Variants in FGF14 observed in about 807,000 individuals in gnomAD.
The protein encoded by FGF14 is fibroblast growth factor 14.
A neutral mutation model predicts 25.5 loss-of-function variants in FGF14; 5 were observed. The ratio of observed to expected loss-of-function variants is 0.20; its 90% confidence interval spans 0.10 to 0.41. The LOEUF (loss-of-function observed/expected upper bound fraction) is 0.41, where lower values mean the gene tolerates loss of function less well. FGF14 is among the 10% of genes least tolerant of loss of function. The pLI is 1.00. For synonymous variants in FGF14, 138 were observed against 118.3 expected (o/e 1.17, Z -1.08); for missense variants, 222 against 320.1 (o/e 0.69, Z 2.34).
In FGF14 at chr13:102,090,768, C is replaced by G. The variant is rs569271434; in HGVS notation, c.209-215472G>C. ...CATTCCAAAAAAAGATCAGTGTATG[C>G]CAACGGCGAGATGCCTTCCTCAATG... On this transcript the variant is annotated intron_variant, in intron 1 of 4. Coordinates refer to the FGF14 transcript ENST00000376131. Among the ~76,000 whole-genome samples, 276 of 152,334 alleles carry G rather than the reference C, an allele frequency of 1.8e-3. 1 individual carries two copies. The highest frequency in any genetic ancestry group is 5.6e-3 in the African/African-American group (232 of 41,572).
intron 1 of FGF14, among the ~76,000 whole-genome samples, chr13:101,892,426 T>C (rs2029888356): frequency 6.6e-6 from 1 of 152,178 alleles, no homozygotes; most frequent in Non-Finnish European, 1.5e-5. Context: ...GATCAAAACA[T>C]TCTTAACTTG....
Position 102,400,162 on chromosome 13 carries a change from G to A in FGF14, c.208+1309C>T, listed in dbSNP as rs990312126. Among the ~76,000 whole-genome samples, 1 of 152,102 alleles carries A rather than the reference G, an allele frequency of 6.6e-6. No homozygotes were observed. The highest frequency in any genetic ancestry group is 1.9e-4 in the East Asian group (1 of 5,174). ...CATTGGCAAGGTTCGGAGGCTGGAG[G>A]GCAGCAGCCACTTGCTGCCCCAGTC... On this transcript the variant is annotated intron_variant, in intron 1 of 4. Transcript: ENST00000376131. This position sits in a 1 kb window ranked among gnomAD's most constrained non-coding sequence, Gnocchi z 4.3.
intron 1 of FGF14, among the ~76,000 whole-genome samples, chr13:101,884,071 A>G (rs2045865678): frequency 6.8e-6 from 1 of 148,002 alleles, no homozygotes; most frequent in Admixed American, 6.7e-5. Flanking sequence ...TCAAAAAAAA[A>G]AAAAAAAAAA....
intron 3 of FGF14, among the ~76,000 whole-genome samples, chr13:101,772,685 C>A (rs2038854612): frequency 6.6e-6 from 1 of 151,976 alleles, no homozygotes; most frequent in Admixed American, 6.6e-5. Flanking sequence ...GGCAATGAAG[C>A]AATGTTAAGA....
chr13:101,900,792 T>A (rs1281039664), intron 1 of FGF14, among the ~76,000 whole-genome samples: 2 of 152,184 alleles, frequency 1.3e-5, no homozygotes. Flanking sequence ...AATTAAGTTG[T>A]GTATGATTTG....
chr13:102,123,233 G>A (rs1022993191), intron 1 of FGF14, among the ~76,000 whole-genome samples: 2 of 152,040 alleles, frequency 1.3e-5, no homozygotes, highest in South Asian at 2.1e-4. Context: ...GAATTTTCTA[G>A]GTCATATGCA....
intron 3 of FGF14, among the ~76,000 whole-genome samples, chr13:101,812,623 ATATATATATATATATATATATATAT>A (rs1176162436): frequency 1.4e-3 from 10 of 7,092 alleles, no homozygotes; most frequent in Non-Finnish European, 2.9e-3. Context: ...ATATATATAT[ATATATATATATATATATATATATAT>A]ATATATTTTT....
At chr13:101,783,706 T>C (rs1234673352) in intron 3 of FGF14, among the ~76,000 whole-genome samples, 1 of 152,210 alleles carries the variant, frequency 6.6e-6, no homozygotes, top group African/African-American at 2.4e-5. Context: ...TCTTTGCTTT[T>C]GTTGCAACTG....
intron 1 of FGF14, among the ~76,000 whole-genome samples, chr13:101,972,406 A>C (rs1225388076): frequency 6.6e-6 from 1 of 152,226 alleles, no homozygotes; most frequent in East Asian, 1.9e-4. Flanking sequence ...GCCTGATGGC[A>C]TGGACAATTT....
At chr13:102,274,899 TAATA>T (rs953397155) in intron 1 of FGF14, among the ~76,000 whole-genome samples, 1 of 151,134 alleles carries the variant, frequency 6.6e-6, no homozygotes, top group African/African-American at 2.4e-5. Context: ...ATTTAATAAA[TAATA>T]AATAATTATT....
In FGF14 at chr13:102,043,775, T is replaced by C. The variant is rs547823956; in HGVS notation, c.209-168479A>G. ...GTTCCAGCATTTATCTTGTTGATCT[T>C]GGGCAAGCCATTTAACCTCTCTGGG... On this transcript the variant is annotated intron_variant, in intron 1 of 4. Transcript: ENST00000376131. Among the ~76,000 whole-genome samples the C allele has an allele frequency of 8.5e-5, 13 of 152,240 alleles. No individual in the cohort carries two copies. In the East Asian group the frequency reaches 2.1e-3, roughly 25 times the overall value.
chr13:102,399,351 A>G (rs1442535713), intron 1 of FGF14, among the ~76,000 whole-genome samples: 1 of 152,242 alleles, frequency 6.6e-6, no homozygotes, highest in Non-Finnish European at 1.5e-5. Flanking sequence ...TCTAAATAAA[A>G]AATGTTTTTG....
intron 1 of FGF14, among the ~76,000 whole-genome samples, chr13:102,332,226 G>A (rs1180503197): frequency 6.6e-6 from 1 of 151,910 alleles, no homozygotes; most frequent in African/African-American, 2.4e-5. Flanking sequence ...GTAGGACAGT[G>A]GATCCTAAAG....
intron 1 of FGF14, among the ~76,000 whole-genome samples, chr13:101,936,254 G>A (rs1462124687): frequency 6.6e-6 from 1 of 152,176 alleles, no homozygotes; most frequent in African/African-American, 2.4e-5. Flanking sequence ...AGGGTTGTGG[G>A]CACTTACGTG....
chr13:101,864,736 C>G (rs7999098), intron 3 of FGF14, among the ~76,000 whole-genome samples: 1 of 152,044 alleles, frequency 6.6e-6, no homozygotes, highest in Non-Finnish European at 1.5e-5. Flanking sequence ...CTGGCACTTA[C>G]GACCGCGAAG....
chr13:101,877,078 C>A (rs1353477427), intron 1 of FGF14, among the ~76,000 whole-genome samples: 1 of 152,056 alleles, frequency 6.6e-6, no homozygotes. Flanking sequence ...TAAGCAGTCT[C>A]CTATTTGAGC....
chr13:102,093,118 T>C (rs996850401), intron 1 of FGF14, among the ~76,000 whole-genome samples: 21 of 152,154 alleles, frequency 1.4e-4, no homozygotes, highest in African/African-American at 5.1e-4. Flanking sequence ...TTTCAATAAA[T>C]GTATTAGAAA....
At chr13:102,194,744 T>C (rs770750427) in intron 1 of FGF14, among the ~76,000 whole-genome samples, 1 of 152,150 alleles carries the variant, frequency 6.6e-6, no homozygotes, top group African/African-American at 2.4e-5. Context: ...CATTAAACTA[T>C]ACATATTAAA....
chr13:102,037,817 T>A (rs1369572399), intron 1 of FGF14, among the ~76,000 whole-genome samples: 2 of 152,178 alleles, frequency 1.3e-5, no homozygotes, highest in Admixed American at 6.6e-5. Context: ...TCAGGCTTGA[T>A]AGACACCATG....
Sources: allele counts gnomAD v4.1 joint callset (sites outside exome capture counted in the v4.1 genomes callset), GRCh38; gene constraint gnomAD v4.1.1; non-coding constraint Gnocchi (gnomAD v3.1); transcripts MANE v1.5; gene names NCBI Gene and HGNC (gene_info 2026-07-23, HGNC 2026-07-21).